Variants in SORCS1 observed in about 807,000 individuals in gnomAD.
SORCS1 encodes the protein VPS10 domain-containing receptor SorCS1.
In SORCS1, 60 loss-of-function variants were observed where a neutral mutation model predicts 146.1. The observed-to-expected ratio is 0.41, with a 90% CI of 0.33 to 0.51. The LOEUF is 0.51. Among genes scored for constraint, SORCS1 ranks in the 20% least tolerant of loss-of-function variants. SORCS1 has a pLI of 0.21. For missense variants in SORCS1, 1,352 were observed against 1,487.6 expected (o/e 0.91, Z 1.50); for synonymous variants, 637 against 584.0 (o/e 1.09, Z -1.31).
intron 2 of SORCS1, among the ~76,000 whole-genome samples, chr10:106,859,024 T>TC (rs1235612252): frequency 6.6e-6 from 1 of 152,166 alleles, no homozygotes; most frequent in South Asian, 2.1e-4. Flanking sequence ...TACTAGCAGC[T>TC]CCCCCTCACA....
chr10:107,087,181 T>C (rs1453117138), intron 1 of SORCS1, among the ~76,000 whole-genome samples: 1 of 152,234 alleles, frequency 6.6e-6, no homozygotes, highest in Non-Finnish European at 1.5e-5. Context: ...GACAAAATAA[T>C]TGTCCCCTAT....
intron 2 of SORCS1, among the ~76,000 whole-genome samples, chr10:106,841,215 A>G (rs1949024375): frequency 6.6e-6 from 1 of 152,158 alleles, no homozygotes. Context: ...CACGCCTGTA[A>G]TGCCAGCACT....
chr10:106,888,065 T>C (rs981083576), intron 2 of SORCS1, among the ~76,000 whole-genome samples: 1 of 152,248 alleles, frequency 6.6e-6, no homozygotes, highest in Non-Finnish European at 1.5e-5. Flanking sequence ...CTGGCTCCTC[T>C]CTGCAATCCA....
chr10:106,821,885 G>A (rs1237822791), intron 3 of SORCS1, among the ~76,000 whole-genome samples: 3 of 151,434 alleles, frequency 2.0e-5, no homozygotes, highest in African/African-American at 7.3e-5. Context: ...TCGTGCCACT[G>A]CACTCCAGCC....
intron 1 of SORCS1, among the ~76,000 whole-genome samples, chr10:107,055,511 T>A (rs1041501611): frequency 6.6e-6 from 1 of 152,356 alleles, no homozygotes; most frequent in South Asian, 2.1e-4. Flanking sequence ...TCTTGTATTT[T>A]TACCTTTCAC....
intron 1 of SORCS1, among the ~76,000 whole-genome samples, chr10:107,088,592 C>T (rs1165722782): frequency 1.3e-5 from 2 of 152,194 alleles, no homozygotes; most frequent in African/African-American, 2.4e-5. Context: ...GTTTCACCCA[C>T]CTTTTCTCAG....
At chr10:107,156,501 G>C (rs1721609796) in intron 1 of SORCS1, among the ~76,000 whole-genome samples, 1 of 152,184 alleles carries the variant, frequency 6.6e-6, no homozygotes, top group Admixed American at 6.5e-5. Context: ...TGTTAAAGGA[G>C]ACTTCTGATA....
At chr10:106,636,314 G>A (rs924941377) in intron 18 of SORCS1, among the ~76,000 whole-genome samples, 1 of 152,098 alleles carries the variant, frequency 6.6e-6, no homozygotes, top group Non-Finnish European at 1.5e-5. Context: ...GATCCCCTGG[G>A]TGGTCACTAA....
At chr10:106,615,982 GAGC>G (rs986337559) in intron 21 of SORCS1, among the ~76,000 whole-genome samples, 101 of 152,258 alleles carry the variant, frequency 6.6e-4, no homozygotes, top group African/African-American at 2.3e-3. Flanking sequence ...TCATAAATCT[GAGC>G]AGATTTAATA....
chr10:107,016,847 G>A (rs879498048), intron 1 of SORCS1, among the ~76,000 whole-genome samples: 2 of 152,066 alleles, frequency 1.3e-5, no homozygotes, highest in Non-Finnish European at 2.9e-5. Flanking sequence ...GCCTAACAGA[G>A]AAAAAAGAGG....
At chr10:107,168,943 A>G (rs544221868), upstream of SORCS1, among the ~76,000 whole-genome samples, 10 of 152,246 alleles carry the variant, frequency 6.6e-5, no homozygotes, top group African/African-American at 2.4e-4. Context: ...TGAGCAAGCA[A>G]TTTTGGGAAC....
intron 25 of SORCS1, 179 bp downstream of exon 25, chr10:106,579,190 T>C: frequency 6.2e-7 from 1 of 1,614,146 alleles, no homozygotes; most frequent in Non-Finnish European, 8.5e-7. Context: ...CTGACTGGAC[T>C]GATCATCTCT....
intron 24 of SORCS1, among the ~76,000 whole-genome samples, chr10:106,587,115 G>A (rs554496681): frequency 2.6e-5 from 4 of 152,072 alleles, no homozygotes; most frequent in South Asian, 2.1e-4. Flanking sequence ...ATGAAAAGCC[G>A]CTGGGTCTAT....
chr10:106,900,735 C>T (rs1951667144), intron 2 of SORCS1, among the ~76,000 whole-genome samples: 1 of 152,138 alleles, frequency 6.6e-6, no homozygotes, highest in South Asian at 2.1e-4. Context: ...AAATCCTACC[C>T]TCATAATCTG....
At chr10:107,003,396 TTG>T (rs1385690936) in intron 1 of SORCS1, among the ~76,000 whole-genome samples, 1 of 151,648 alleles carries the variant, frequency 6.6e-6, no homozygotes, top group Non-Finnish European at 1.5e-5. Flanking sequence ...TATGCATGTG[TTG>T]TGTGTATAGA....
At chr10:107,169,667 A>G (rs1339212441), upstream of SORCS1, among the ~76,000 whole-genome samples, 1 of 152,138 alleles carries the variant, frequency 6.6e-6, no homozygotes, top group Admixed American at 6.5e-5. Context: ...AGTTTAATAA[A>G]TCTTGCAGCA....
chr10:107,068,233 T>C (rs1028513952), intron 1 of SORCS1, among the ~76,000 whole-genome samples: 2 of 152,176 alleles, frequency 1.3e-5, no homozygotes, highest in African/African-American at 4.8e-5. Context: ...TCTGGGCTTT[T>C]GGAAAGAAAG....
At chr10:106,963,003 G>T (rs558279075) in intron 1 of SORCS1, among the ~76,000 whole-genome samples, 1 of 151,542 alleles carries the variant, frequency 6.6e-6, no homozygotes, top group African/African-American at 2.4e-5. Flanking sequence ...CCTGAGGAAA[G>T]CAAATATGGG....
chr10:106,671,218 G>A lies in SORCS1; in HGVS notation c.2189+19C>T, dbSNP rs199922032. The A allele has an allele frequency of 1.6e-4, 265 of 1,613,972 alleles. 3 individuals carry two copies. The highest frequency in any genetic ancestry group is 1.3e-3 in the South Asian group (118 of 91,058). On this transcript the variant is annotated intron_variant, in intron 16 of 25. Coordinates refer to ENST00000263054, the MANE Select transcript of SORCS1 (RefSeq NM_052918.5). ...TTTGATACACCAAATGGCTCCAGGAGATAATTGCACAAGCTCACCAATCAA... is the reference window on the plus strand; with the variant it reads ...TTTGATACACCAAATGGCTCCAGGAAATAATTGCACAAGCTCACCAATCAA...
Sources: gnomAD v4.1 joint callset for allele counts (sites outside exome capture counted in the v4.1 genomes callset) on GRCh38, gnomAD v4.1.1 for gene constraint, MANE v1.5 for transcripts, NCBI Gene and HGNC (gene_info 2026-07-23, HGNC 2026-07-21) for gene names.